C8orf58: variants seen among roughly 807,000 people sequenced by gnomAD.
C8orf58 encodes the protein chromosome 8 open reading frame 58, also known as uncharacterized protein C8orf58.
C8orf58 carries 31 observed loss-of-function variants against 36.8 expected under a neutral mutation model. The observed-to-expected ratio is 0.84, with a 90% CI of 0.63 to 1.14. C8orf58 has a LOEUF of 1.14. Among genes scored for constraint, C8orf58 ranks in the 50% most tolerant of loss-of-function variants. C8orf58 has a pLI of 0.00. For synonymous variants in C8orf58, 230 were observed against 200.2 expected, an observed-to-expected ratio of 1.15 and a Z score of -1.26; for missense variants, 538 against 480.8, an observed-to-expected ratio of 1.12 and a Z score of -1.11.
chr8:22,600,648 C>T (rs1800819957), intron 1 of C8orf58, among the ~76,000 whole-genome samples: 1 of 152,218 alleles, frequency 6.6e-6, no homozygotes, highest in Non-Finnish European at 1.5e-5. Context: ...CAGGGCTTTG[C>T]CTACCACACA....
rs147143680 is a variant in C8orf58 at position 22,602,009 on chromosome 8, C to T, written c.695C>T (p.Pro232Leu). Residue 232 changes from proline (P) to leucine (L), a missense_variant, in exon 4 of 7, where the codon CCG becomes CTG. By Grantham distance (98) the Pro-to-Leu change is moderately conservative. Transcript: ENST00000289989. Reference sequence around the variant, plus strand: ...GAGGAGTCGACCCGAGCCCCTTTACCGTCCCCGTTACACACCCCAGGCAAT... The same window carrying T: ...GAGGAGTCGACCCGAGCCCCTTTACTGTCCCCGTTACACACCCCAGGCAAT... ...GEEESTRAPL[P>L]SPLHTPGNRG... 237 of 1,570,080 alleles carry T rather than the reference C, an allele frequency of 1.5e-4. No homozygotes were observed. The highest frequency in any genetic ancestry group is 3.4e-4 in the African/African-American group (25 of 73,848).
intron 1 of C8orf58, among the ~76,000 whole-genome samples, chr8:22,600,611 T>G (rs1001423549): frequency 2.6e-5 from 4 of 152,206 alleles, no homozygotes; most frequent in Non-Finnish European, 5.9e-5. Flanking sequence ...GCGCAGGCCG[T>G]CTAAGGGATT....
intron 1 of C8orf58, chr8:22,600,002 G>C (rs997059343): frequency 1.7e-5 from 6 of 349,074 alleles, no homozygotes; most frequent in Admixed American, 4.8e-5. Flanking sequence ...CACTTCCTCC[G>C]GCTCCGCTTC....
chr8:22,602,417 G>T, intron 5 of C8orf58, 105 bp downstream of exon 5: 1 of 1,316,718 alleles, frequency 7.6e-7, no homozygotes. Flanking sequence ...GGAAATGACA[G>T]GATTGATTCC....
rs1800956172 is a variant in C8orf58, at chr8:22,603,946, T to A, written c.*640T>A. Reference sequence around the variant, plus strand: ...GGGACAACCTGGGAACTGAATAACTTTCAAAGCCAGTGCTCAGCTTCTCTG... The same window carrying A: ...GGGACAACCTGGGAACTGAATAACTATCAAAGCCAGTGCTCAGCTTCTCTG... On this transcript the variant is annotated 3_prime_UTR_variant, in exon 7 of 7. Transcript: ENST00000289989. The A allele has an allele frequency of 6.0e-6, 1 of 165,556 alleles. No homozygotes were observed. The highest frequency in any genetic ancestry group is 1.3e-5 in the Non-Finnish European group (1 of 75,292). 10.3% of individuals were successfully genotyped at this position (165,556 alleles called of 1,614,324 possible). A position where few individuals can be genotyped will look rare whatever the true frequency, so the allele number is the denominator to read the frequency against.
intron 1 of C8orf58, chr8:22,600,512 CT>C (rs1236643371): frequency 2.5e-5 from 7 of 279,452 alleles, no homozygotes; most frequent in African/African-American, 1.3e-4. Flanking sequence ...GGATACAGTC[CT>C]ACTCCCGCTT....
Position 22,601,038 on chromosome 8 carries a change from C to T in C8orf58, c.197C>T (p.Ser66Phe), listed in dbSNP as rs757207422. 1 of 1,612,842 alleles carries T rather than the reference C, an allele frequency of 6.2e-7. No homozygotes were observed. The highest frequency in any genetic ancestry group is 8.5e-7 in the Non-Finnish European group (1 of 1,180,022). Residue 66 changes from serine (S) to phenylalanine (F), a missense_variant, in exon 2 of 7, where the codon TCC (serine) becomes TTC (phenylalanine). Transcript: ENST00000289989. Reference sequence around the variant, plus strand: ...GAGGCACTCTTTCTCAAACTGGCCTCCCGGGACTCAGGAGTGGAGATGGCA... The same window carrying T: ...GAGGCACTCTTTCTCAAACTGGCCTTCCGGGACTCAGGAGTGGAGATGGCA... ...GREALFLKLA[S>F]RDSGVEMAVG...
In C8orf58 at chr8:22,601,104, A is replaced by G. The variant is rs750402120; in HGVS notation, c.263A>G (p.Gln88Arg). The change falls in exon 2 of 7, where the codon CAG becomes CGG. Residue 88 changes from glutamine to arginine, a missense_variant. Gln to Arg is a conservative substitution (Grantham distance 43). Transcript: ENST00000289989. ...SPLAALPGLS[Q>R]DSLDFESSGS... ...CTGGCCGCCTTACCGGGCCTTTCTC[A>G]GGACTCCCTGGACTTTGAATCCTCA... 1 of 1,612,472 alleles carries G rather than the reference A, an allele frequency of 6.2e-7. No individual in the cohort carries two copies. Among genetic ancestry groups the G allele is most frequent in the South Asian group, 1.1e-5 (1 of 91,056 alleles).
Position 22,601,129 on chromosome 8 carries a change from A to C in C8orf58, c.288A>C (p.Ser96=), listed in dbSNP as rs781303712. ...LSQDSLDFES[S]GSSEPPAQVG... is the part of the protein sequence containing the mutation. ...AGGACTCCCTGGACTTTGAATCCTC[A>C]GGGAGTTCTGAGCCCCCCGCCCAGG... Residue 96 remains serine, a synonymous_variant, in exon 2 of 7, where the codon TCA becomes TCC. Coordinates refer to ENST00000289989, the MANE Select transcript of C8orf58 (RefSeq NM_001013842.3). The C allele has an allele frequency of 1.2e-6, 2 of 1,611,898 alleles. No homozygotes were observed. Among genetic ancestry groups the C allele is most frequent in the East Asian group, 4.5e-5 (2 of 44,886 alleles).
intron 6 of C8orf58, chr8:22,602,849 C>A (rs1344224151): frequency 5.2e-6 from 3 of 579,114 alleles, no homozygotes; most frequent in African/African-American, 1.9e-5. Context: ...AGTTGCTTTT[C>A]CAAAGCCGCA....
chr8:22,599,696 CCGG>C lies in C8orf58; in HGVS notation c.-24_-22del, dbSNP rs1473160377. On this transcript the variant is annotated 5_prime_UTR_variant, in exon 1 of 7. Transcript: ENST00000289989. ...CGGGATCCTCGGGCGGCTGCATTGGCCGGGGCCGGGGCCGGGAGCGGGCCATGA... is the reference window on the plus strand; with the variant it reads ...CGGGATCCTCGGGCGGCTGCATTGGCGGCCGGGGCCGGGAGCGGGCCATGA... 359 of 1,200,854 alleles carry C rather than the reference CCGG, an allele frequency of 3.0e-4. 1 individual carries two copies. The East Asian group carries it at 7.0e-3, about 23-fold the overall frequency. The allele number at this position is 1,200,854 out of a possible 1,614,324, so 74.4% of individuals were successfully genotyped here. A position where few individuals can be genotyped will look rare whatever the true frequency, so the allele number is the denominator to read the frequency against.
intron 5 of C8orf58, 52 bp downstream of exon 5, chr8:22,602,364 G>GGGGGGGGGGGGGGGGC: frequency 2.8e-6 from 2 of 720,888 alleles, no homozygotes; most frequent in Non-Finnish European, 4.8e-6. Context: ...GGGGGGAGGG[G>GGGGGGGGGGGGGGGGC]AGGTGGGGGA....
At chr8:22,601,876 GGGAGA>G (rs1340666380) in intron 3 of C8orf58, 24 bp downstream of exon 3, 2 of 1,588,746 alleles carry the variant, frequency 1.3e-6, no homozygotes, top group African/African-American at 2.7e-5. Flanking sequence ...GAGTGGGGGA[GGGAGA>G]GGACAGATGG....
intron 1 of C8orf58, chr8:22,600,144 T>G: frequency 5.7e-6 from 1 of 176,250 alleles, no homozygotes. Flanking sequence ...GGGTTGGCAT[T>G]CGGCTCCCGC....
chr8:22,602,443 A>G, intron 5 of C8orf58, 94 bp from the exon 6 acceptor site: 1 of 1,348,956 alleles, frequency 7.4e-7, no homozygotes, highest in Non-Finnish European at 1.0e-6. Context: ...GGAGCAGGCG[A>G]CTTGTCCTGG....
At chr8:22,600,609 C>T (rs113064509) in intron 1 of C8orf58, among the ~76,000 whole-genome samples, 2,085 of 152,346 alleles carry the variant, frequency 0.014, 47 homozygotes, top group East Asian at 0.062. Flanking sequence ...AGGCGCAGGC[C>T]GTCTAAGGGA....
At position 22,602,643 on chromosome 8, in the gene C8orf58, G is replaced by C; in HGVS notation, c.986G>C (p.Arg329Thr). Residue 329 changes from arginine (R) to threonine (T), a missense_variant and splice_region_variant, in exon 6 of 7, where the codon AGG becomes ACG. Arg to Thr is a moderately conservative substitution (Grantham distance 71, BLOSUM62 -1). Transcript: ENST00000289989. ...PPAPPDGSDP[R>T]IESRDLPERP... ...GCCCCTCCTGATGGCTCTGACCCCAGGTGAGCCCCGTGCCCAGCCCAGGTT... is the reference window on the plus strand; with the variant it reads ...GCCCCTCCTGATGGCTCTGACCCCACGTGAGCCCCGTGCCCAGCCCAGGTT... The C allele has an allele frequency of 6.5e-7, 1 of 1,531,046 alleles. No individual in the cohort carries two copies. The highest frequency in any genetic ancestry group is 8.8e-7 in the Non-Finnish European group (1 of 1,134,320). 94.8% of individuals were successfully genotyped at this position (1,531,046 alleles called of 1,614,324 possible). A position where few individuals can be genotyped will look rare whatever the true frequency, so the allele number is the denominator to read the frequency against.
rs748935834 is a variant in C8orf58 at position 22,601,731 on chromosome 8, G to T, written c.536G>T (p.Gly179Val). The T allele has an allele frequency of 1.1e-5, 18 of 1,610,854 alleles. No homozygotes were observed. The South Asian group carries it at 1.9e-4, about 17-fold the overall frequency. Residue 179 changes from glycine (G) to valine (V), a missense_variant, in exon 3 of 7, where the codon GGA (glycine) becomes GTA (valine). By Grantham distance (109) the Gly-to-Val change is moderately radical. Transcript: ENST00000289989. ...CCACAGGTGGGGGGCCTGGGGCCTG[G>T]AGCCTGGGCCTGCCTCCCCGGGCAG... The part of the protein sequence containing the change: ...EEEAVGGLGP[G>V]AWACLPGQGL...
At chr8:22,600,776 C>T (rs578186903) in intron 1 of C8orf58, 106 bp from the exon 2 acceptor site, 1 of 963,266 alleles carries the variant, frequency 1.0e-6, no homozygotes, top group Non-Finnish European at 1.5e-6. Context: ...GACCGCCCTT[C>T]CTCACTGCTC....
Sources: gnomAD v4.1 joint callset for allele counts (sites outside exome capture counted in the v4.1 genomes callset) on GRCh38, gnomAD v4.1.1 for gene constraint, MANE v1.5 for transcripts, NCBI Gene and HGNC (gene_info 2026-07-23, HGNC 2026-07-21) for gene names.